Variants in XRCC4 observed in about 807,000 individuals in gnomAD.
XRCC4 encodes DNA repair protein XRCC4.
A neutral mutation model predicts 39.1 loss-of-function variants in XRCC4; 28 were observed. The ratio of observed to expected loss-of-function variants is 0.72; its 90% confidence interval spans 0.53 to 0.98. XRCC4 has a LOEUF of 0.98. Ranked by LOEUF, XRCC4 falls within the 50% of genes least tolerant of loss-of-function variation. XRCC4 has a pLI of 0.00. For synonymous variants in XRCC4, 123 were observed against 126.4 expected (o/e 0.97, Z 0.18); for missense variants, 350 against 376.4 (o/e 0.93, Z 0.58).
chr5:83,278,240 G>A (rs1464338751), intron 7 of XRCC4, among the ~76,000 whole-genome samples: 2 of 152,180 alleles, frequency 1.3e-5, no homozygotes, highest in East Asian at 1.9e-4. Flanking sequence ...TGAAGCGGTA[G>A]TCTTCACTCC....
intron 3 of XRCC4, among the ~76,000 whole-genome samples, chr5:83,191,970 T>C (rs1359468214): frequency 6.6e-6 from 1 of 152,140 alleles, no homozygotes; most frequent in Non-Finnish European, 1.5e-5. Flanking sequence ...GTATGGCATT[T>C]AATCTTGGAC....
intron 7 of XRCC4, among the ~76,000 whole-genome samples, chr5:83,297,591 C>T (rs1414666734): frequency 6.6e-6 from 1 of 151,512 alleles, no homozygotes; most frequent in Non-Finnish European, 1.5e-5. Context: ...GGAGCTTGGT[C>T]GTGAAGAAGA....
intron 4 of XRCC4, among the ~76,000 whole-genome samples, chr5:83,198,005 C>G (rs1291854427): frequency 2.6e-5 from 4 of 152,034 alleles, no homozygotes; most frequent in African/African-American, 9.7e-5. Context: ...TCTTAGTGTT[C>G]CCTCACTAGA....
intron 3 of XRCC4, among the ~76,000 whole-genome samples, chr5:83,157,274 C>T (rs928961354): frequency 6.6e-6 from 1 of 152,100 alleles, no homozygotes; most frequent in Non-Finnish European, 1.5e-5. Flanking sequence ...ATCACACTAT[C>T]CTCTATCCTT....
At chr5:83,232,796 T>C (rs1213199114) in intron 6 of XRCC4, among the ~76,000 whole-genome samples, 5 of 152,156 alleles carry the variant, frequency 3.3e-5, no homozygotes, top group Admixed American at 2.6e-4. Flanking sequence ...CTTTATGCTG[T>C]TATTTTGAGA....
At chr5:83,161,469 T>G (rs1312806630) in intron 3 of XRCC4, among the ~76,000 whole-genome samples, 7 of 152,116 alleles carry the variant, frequency 4.6e-5, no homozygotes, top group Non-Finnish European at 1.5e-5. Context: ...TAAATATAAG[T>G]CATCTTTATC....
Position 83,195,818 on chromosome 5 carries a change from G to A in XRCC4, c.364G>A (p.Val122Ile), listed in dbSNP as rs1750912626. ...AGAGAAAGTTGAAAACCCAGCTGAAGTCATTAGAGAACTTATTTGTTATTG... is the reference window on the plus strand; with the variant it reads ...AGAGAAAGTTGAAAACCCAGCTGAAATCATTAGAGAACTTATTTGTTATTG... ...NLEKVENPAEVIRELICYCLD... is the reference protein window; with the variant it reads ...NLEKVENPAEIIRELICYCLD... Residue 122 changes from valine (V) to isoleucine (I), a missense_variant, in exon 4 of 8, where the codon GTC (valine) becomes ATC (isoleucine). By Grantham distance (29) the Val-to-Ile change is conservative (BLOSUM62 3). Transcript: ENST00000396027. 3 of 1,610,610 alleles carry A rather than the reference G, an allele frequency of 1.9e-6. No homozygotes were observed. Among genetic ancestry groups the A allele is most frequent in the Non-Finnish European group, 2.5e-6 (3 of 1,177,940 alleles).
At chr5:83,354,014 T>G (rs1757160338), downstream of XRCC4, among the ~76,000 whole-genome samples, 1 of 152,214 alleles carries the variant, frequency 6.6e-6, no homozygotes, top group African/African-American at 2.4e-5. Context: ...TTTCTGCTTC[T>G]TAACCTTTCA....
intron 6 of XRCC4, among the ~76,000 whole-genome samples, chr5:83,209,480 A>C (rs72767194): frequency 0.047 from 7,176 of 152,178 alleles, 255 homozygotes; most frequent in South Asian, 0.13. Context: ...ATTTTAAAAT[A>C]TATATGAATA....
chr5:83,202,543 G>A (rs1462923965), intron 4 of XRCC4, among the ~76,000 whole-genome samples: 1 of 151,974 alleles, frequency 6.6e-6, no homozygotes, highest in Non-Finnish European at 1.5e-5. Context: ...TTGGACATTT[G>A]TGTTTCTAAT....
chr5:83,363,715 C>A, the XRCC4 span, among the ~76,000 whole-genome samples: 1 of 152,286 alleles, frequency 6.6e-6, no homozygotes, highest in Non-Finnish European at 1.5e-5. Flanking sequence ...TTGATATAAG[C>A]AGAAGTGGTT....
chr5:83,097,515 A>G (rs1745736195), intron 1 of XRCC4, among the ~76,000 whole-genome samples: 1 of 151,286 alleles, frequency 6.6e-6, no homozygotes, highest in African/African-American at 2.4e-5. Context: ...TTTTCACACA[A>G]GTGCTTTTAG....
chr5:83,160,983 A>G (rs79794819), intron 3 of XRCC4, among the ~76,000 whole-genome samples: 2,099 of 152,316 alleles, frequency 0.014, 95 homozygotes, highest in East Asian at 0.11. Flanking sequence ...GTGCTTTGCA[A>G]ATACAAGCTT....
chr5:83,192,771 CT>C (rs1447791419), intron 3 of XRCC4, among the ~76,000 whole-genome samples: 1 of 152,146 alleles, frequency 6.6e-6, no homozygotes, highest in East Asian at 1.9e-4. Context: ...CAAAAAAACT[CT>C]TAATTTTATC....
At chr5:83,223,044 G>A (rs1752148766) in intron 6 of XRCC4, among the ~76,000 whole-genome samples, 1 of 152,064 alleles carries the variant, frequency 6.6e-6, no homozygotes, top group African/African-American at 2.4e-5. Flanking sequence ...CTTCGTGCCT[G>A]GCAGATGATT....
intron 1 of XRCC4, among the ~76,000 whole-genome samples, chr5:83,081,024 G>A (rs1231626654): frequency 6.6e-6 from 1 of 152,138 alleles, no homozygotes; most frequent in Non-Finnish European, 1.5e-5. Context: ...GCTTAGTTAA[G>A]ATAAAAAAGG....
downstream of XRCC4, among the ~76,000 whole-genome samples, chr5:83,357,018 A>G (rs1757197734): frequency 6.6e-6 from 1 of 152,224 alleles, no homozygotes; most frequent in Non-Finnish European, 1.5e-5. Flanking sequence ...TGAATGGCCT[A>G]TAACTCAGAT....
intron 1 of XRCC4, chr5:83,077,959 CTGTT>C (rs1407429750): frequency 1.3e-5 from 2 of 152,716 alleles, no homozygotes; most frequent in African/African-American, 2.4e-5. Flanking sequence ...GTTGAGTAGG[CTGTT>C]TGAGCATTTC....
chr5:83,174,209 T>C (rs1457263217), intron 3 of XRCC4, among the ~76,000 whole-genome samples: 1 of 152,210 alleles, frequency 6.6e-6, no homozygotes, highest in Non-Finnish European at 1.5e-5. Context: ...AACTGGTTTA[T>C]TAAGGGGAAT....
Sources: gnomAD v4.1 joint callset for allele counts (sites outside exome capture counted in the v4.1 genomes callset) on GRCh38, gnomAD v4.1.1 for gene constraint, MANE v1.5 for transcripts, NCBI Gene and HGNC (gene_info 2026-07-23, HGNC 2026-07-21) for gene names.